Variants in ZFHX3 observed in about 807,000 individuals in gnomAD.
ZFHX3 encodes the protein zinc finger homeobox 3, also known as zinc finger homeobox protein 3.
Under a neutral mutation model 279.1 loss-of-function variants are expected in ZFHX3, and 42 were observed. The observed-to-expected ratio is 0.15, with a 90% CI of 0.12 to 0.19. ZFHX3 has a LOEUF of 0.19. ZFHX3 is among the 10% of genes least tolerant of loss of function. The probability of loss-of-function intolerance (pLI) is 1.00; values close to 1 mark genes in which losing one functional copy is unlikely to be tolerated. For missense variants in ZFHX3, 4,981 were observed against 4,754.0 expected (o/e 1.05, Z -1.40); for synonymous variants, 2,293 against 1,957.8 (o/e 1.17, Z -4.52).
intron 1 of ZFHX3, among the ~76,000 whole-genome samples, chr16:72,965,247 A>G (rs1337272981): frequency 6.6e-6 from 1 of 152,216 alleles, no homozygotes; most frequent in African/African-American, 2.4e-5. Flanking sequence ...ATTCACACTC[A>G]GTCTTTAAGC....
At chr16:72,836,928 G>A (rs1183134924) in intron 4 of ZFHX3, among the ~76,000 whole-genome samples, 5 of 152,192 alleles carry the variant, frequency 3.3e-5, no homozygotes, top group Non-Finnish European at 7.3e-5. Context: ...CTCATCAGAA[G>A]TGTAATATTT....
chr16:73,654,912 G>A (rs921069323), intron 2 of ZFHX3, among the ~76,000 whole-genome samples: 2 of 135,038 alleles, frequency 1.5e-5, no homozygotes, highest in African/African-American at 2.8e-5. Context: ...CCAGGTTGGA[G>A]TGCAGTGGAG....
At chr16:73,301,757 G>GTTTT (rs2015060400) in intron 4 of ZFHX3, among the ~76,000 whole-genome samples, 2 of 137,684 alleles carry the variant, frequency 1.5e-5, no homozygotes, top group Non-Finnish European at 1.5e-5. Context: ...CTTGATTCCA[G>GTTTT]CTTTTTTTTT....
rs547634107 is a variant in ZFHX3, at chr16:72,943,489, G to A, written c.3216+6980C>T. 5.9e-5 allele frequency among the ~76,000 whole-genome samples: 9 copies of A among 152,178 alleles called. No individual in the cohort carries two copies. In the East Asian group the frequency reaches 1.2e-3, roughly 20 times the overall value. Reference sequence around the variant, plus strand: ...GGAGGTTGCAATGAGCTGAGATCACGCCACTGCACTCCAGCCTGGGTGACA... The same window carrying A: ...GGAGGTTGCAATGAGCTGAGATCACACCACTGCACTCCAGCCTGGGTGACA... On this transcript the variant is annotated intron_variant, in intron 3 of 9. Coordinates refer to ENST00000268489, the MANE Select transcript of ZFHX3 (RefSeq NM_006885.4).
At chr16:73,787,849 G>GTGTT (rs1320723579) in intron 1 of ZFHX3, among the ~76,000 whole-genome samples, 3 of 149,538 alleles carry the variant, frequency 2.0e-5, no homozygotes, top group African/African-American at 7.5e-5. Context: ...GTGTGTGTGT[G>GTGTT]TGTGAAAGAG....
chr16:73,755,279 C>T lies in ZFHX3; in HGVS notation c.-1607-75039G>A, dbSNP rs16972483. Among the ~76,000 whole-genome samples the T allele has an allele frequency of 5.4e-3, 821 of 152,016 alleles. 9 individuals are homozygous for T. The highest frequency in any genetic ancestry group is 0.019 in the African/African-American group (792 of 41,444). Reference sequence around the variant, plus strand: ...CGTTTCTAAGACTCTCACCTGTTTACGTTGGATATAACGACATATATAAAC... The same window carrying T: ...CGTTTCTAAGACTCTCACCTGTTTATGTTGGATATAACGACATATATAAAC... On this transcript the variant is annotated intron_variant, in intron 1 of 17. Transcript: ENST00000641206.
rs561959460 is a variant in ZFHX3, at chr16:73,661,036, A to G, written c.-1547+19144T>C. Among the ~76,000 whole-genome samples the G allele has an allele frequency of 2.4e-4, 36 of 152,360 alleles. No individual in the cohort carries two copies. In the South Asian group the frequency reaches 7.3e-3, roughly 31 times the overall value. ...ACAGTGTCACAAAAGTGAAGACTGT[A>G]TGAGAGATGCTTAAACTGCACATAA... is the stretch of plus-strand genomic sequence containing the variant. On this transcript the variant is annotated intron_variant, in intron 2 of 17. Coordinates refer to the ZFHX3 transcript ENST00000641206.
intron 4 of ZFHX3, among the ~76,000 whole-genome samples, chr16:72,882,497 G>T (rs2038504822): frequency 6.6e-6 from 1 of 152,124 alleles, no homozygotes; most frequent in Non-Finnish European, 1.5e-5. Flanking sequence ...TCAGGCCACT[G>T]CGGCCAGGTC....
intron 4 of ZFHX3, chr16:73,293,769 A>C (rs2014832802): frequency 6.6e-6 from 1 of 152,216 alleles, no homozygotes; most frequent in African/African-American, 2.4e-5. Flanking sequence ...GGAGGTGGGT[A>C]ATAAGAACCA....
intron 3 of ZFHX3, among the ~76,000 whole-genome samples, chr16:73,349,445 G>A (rs189027754): frequency 6.7e-6 from 1 of 149,782 alleles, no homozygotes; most frequent in East Asian, 2.0e-4. Flanking sequence ...GTTAGTAGCA[G>A]TTGTGTGAAT....
Position 72,786,955 on chromosome 16 carries a change from TAAAAG to T in ZFHX3, c.*204_*208del, listed in dbSNP as rs953254832. On this transcript the variant is annotated 3_prime_UTR_variant, in exon 10 of 10. Coordinates refer to ENST00000268489, the MANE Select transcript of ZFHX3 (RefSeq NM_006885.4). ...AGGGCTTTTTTTTTTTTTTTAATAT[TAAAAG>T]AAAAGAAAAAGACAAGAATGTAAAA... 3.6e-5 allele frequency: 13 copies of T among 363,806 alleles called. No individual in the cohort carries two copies. The highest frequency in any genetic ancestry group is 1.0e-4 in the Admixed American group (2 of 19,332). The allele number at this position is 363,806 out of a possible 1,614,324, so 22.5% of individuals were successfully genotyped here.
intron 5 of ZFHX3, among the ~76,000 whole-genome samples, chr16:73,255,206 T>C (rs2013630462): frequency 6.6e-6 from 1 of 152,228 alleles, no homozygotes; most frequent in African/African-American, 2.4e-5. Context: ...TGAGTCATTG[T>C]AAAGTGCCAA....
At chr16:73,002,595 G>A (rs907600187) in intron 1 of ZFHX3, among the ~76,000 whole-genome samples, 3 of 152,110 alleles carry the variant, frequency 2.0e-5, no homozygotes, top group East Asian at 3.9e-4. Context: ...TACCCAAGGC[G>A]ATTGATTCCA....
intron 2 of ZFHX3, among the ~76,000 whole-genome samples, chr16:73,651,048 A>G (rs1389728745): frequency 2.0e-5 from 3 of 152,230 alleles, no homozygotes; most frequent in African/African-American, 7.2e-5. Context: ...TTTAAAATAT[A>G]TGCAGGACAC....
intron 1 of ZFHX3, among the ~76,000 whole-genome samples, chr16:73,724,221 G>A (rs2053499334): frequency 6.6e-6 from 1 of 152,102 alleles, no homozygotes; most frequent in Admixed American, 6.5e-5. Flanking sequence ...CAAATAAAAG[G>A]CTGACAACTC....
rs553886078 is a variant in ZFHX3 at position 73,603,799 on chromosome 16, A to C, written c.-1547+76381T>G. 2.3e-3 allele frequency among the ~76,000 whole-genome samples: 276 copies of C among 118,288 alleles called. 2 individuals carry two copies. The highest frequency in any genetic ancestry group is 9.2e-3 in the African/African-American group (250 of 27,102). 77.6% of individuals were successfully genotyped at this position (118,288 alleles called of 152,430 possible). On this transcript the variant is annotated intron_variant, in intron 2 of 17. Transcript: ENST00000641206. Reference sequence around the variant, plus strand: ...TTTTTTTTTTTTTTTTTTGAGATGGAGTCTGGCTCTCTCACCCAGGCTGGA... The same window carrying C: ...TTTTTTTTTTTTTTTTTTGAGATGGCGTCTGGCTCTCTCACCCAGGCTGGA...
intron 1 of ZFHX3, among the ~76,000 whole-genome samples, chr16:73,021,833 A>C: frequency 1.3e-5 from 1 of 76,370 alleles, no homozygotes. Flanking sequence ...TCCATCTCAA[A>C]AAAAAAAAAA....
chr16:73,069,684 T>C (rs1197632255), intron 8 of ZFHX3, among the ~76,000 whole-genome samples: 1 of 152,218 alleles, frequency 6.6e-6, no homozygotes, highest in Non-Finnish European at 1.5e-5. Context: ...GGTGACCAAC[T>C]GGTCCCAGTT....
At chr16:73,139,375 G>C (rs748569551) in intron 6 of ZFHX3, among the ~76,000 whole-genome samples, 1 of 152,184 alleles carries the variant, frequency 6.6e-6, no homozygotes, top group South Asian at 2.1e-4. Context: ...TATCTGATAG[G>C]ACGAAGTCCA....
Sources: gnomAD v4.1 joint callset for allele counts (sites outside exome capture counted in the v4.1 genomes callset) on GRCh38, gnomAD v4.1.1 for gene constraint, MANE v1.5 for transcripts, NCBI Gene and HGNC (gene_info 2026-07-23, HGNC 2026-07-21) for gene names.